Variants in ABCA13 observed in about 807,000 individuals in gnomAD.
ABCA13 encodes ATP-binding cassette sub-family A member 13.
In ABCA13, 476 loss-of-function variants were observed where a neutral mutation model predicts 478.7. The ratio of observed to expected loss-of-function variants is 0.99; its 90% CI spans 0.92 to 1.07. ABCA13 has a LOEUF of 1.07. Ranked by LOEUF, ABCA13 falls within the 50% of genes least tolerant of loss-of-function variation. The probability of loss-of-function intolerance (pLI) is 0.00; values close to 1 mark genes in which losing one functional copy is unlikely to be tolerated. For synonymous variants in ABCA13, 2,252 were observed against 2,158.9 expected, an observed-to-expected ratio of 1.04 and a Z score of -1.20; for missense variants, 6,060 against 5,910.6, an observed-to-expected ratio of 1.03 and a Z score of -0.83.
intron 59 of ABCA13, among the ~76,000 whole-genome samples, chr7:48,618,519 A>AAAG (rs1474962550): frequency 6.6e-6 from 1 of 152,214 alleles, no homozygotes; most frequent in Non-Finnish European, 1.5e-5. Context: ...CATGTATTAC[A>AAAG]GTTTCCAATA....
In ABCA13 at chr7:48,435,873, C is replaced by T. The variant is rs1178537171; in HGVS notation, c.12565+8002C>T. On this transcript the variant is annotated intron_variant, in intron 42 of 61. Transcript: ENST00000435803. ...CTTTCAGGAATAAATCCTCCCTTGT[C>T]ATGATGTGTAATCATTTTAATATAC... Among the ~76,000 whole-genome samples, 3 of 149,446 alleles carry T rather than the reference C, an allele frequency of 2.0e-5. No individual in the cohort carries two copies. The East Asian group carries it at 5.8e-4, about 29-fold the overall frequency.
At chr7:48,417,737 G>A in intron 41 of ABCA13, among the ~76,000 whole-genome samples, 1 of 152,106 alleles carries the variant, frequency 6.6e-6, no homozygotes, top group East Asian at 1.9e-4. Flanking sequence ...CATTCCATGG[G>A]TTTGGATGAG....
intron 39 of ABCA13, 25 bp downstream of exon 39, chr7:48,403,904 T>C: frequency 6.2e-7 from 1 of 1,601,280 alleles, no homozygotes; most frequent in South Asian, 1.1e-5. Context: ...TCATTCTGCC[T>C]TCTCTTCCCA....
Position 48,179,967 on chromosome 7 carries a change from AGGGT to A in ABCA13, c.69+8420_69+8423del, listed in dbSNP as rs1412725354. ...CACAGCTACAGAAAATGAGCCAGGAAGGGTGGGTAACTCGCACAGGCCCATTTGA... is the reference window on the plus strand; with the variant it reads ...CACAGCTACAGAAAATGAGCCAGGAAGGGTAACTCGCACAGGCCCATTTGA... On this transcript the variant is annotated intron_variant, in intron 1 of 61. Transcript: ENST00000435803. Among the ~76,000 whole-genome samples the A allele has an allele frequency of 1.3e-5, 2 of 152,174 alleles. 1 individual carries two copies. The highest frequency in any genetic ancestry group is 4.8e-5 in the African/African-American group (2 of 41,446).
chr7:48,328,233 G>A (rs1050458533), intron 27 of ABCA13, among the ~76,000 whole-genome samples: 1 of 152,188 alleles, frequency 6.6e-6, no homozygotes, highest in Non-Finnish European at 1.5e-5. Flanking sequence ...CAATGGGGAA[G>A]GGCACTGGTG....
rs528749208 is a variant in ABCA13, at chr7:48,582,663, T to C, written c.14505+2289T>C. Among the ~76,000 whole-genome samples, 55 of 152,260 alleles carry C rather than the reference T, an allele frequency of 3.6e-4. 1 individual carries two copies. Among genetic ancestry groups the C allele is most frequent in the African/African-American group, 1.2e-3 (50 of 41,570 alleles). ...CCCCTCTCCTCCCTCCCGGGGACCC[T>C]CAGAGCCCATGCCATGGCTGAGCCA... is the stretch of plus-strand genomic sequence containing the variant. On this transcript the variant is annotated intron_variant, in intron 56 of 61. Coordinates refer to ENST00000435803, the MANE Select transcript of ABCA13 (RefSeq NM_152701.5).
At chr7:48,512,590 T>G (rs1328205491) in intron 51 of ABCA13, among the ~76,000 whole-genome samples, 1 of 152,196 alleles carries the variant, frequency 6.6e-6, no homozygotes, top group Non-Finnish European at 1.5e-5. Context: ...TCAAGTAAAA[T>G]AGACTTTGCT....
intron 41 of ABCA13, among the ~76,000 whole-genome samples, chr7:48,424,683 C>A (rs925094833): frequency 3.9e-5 from 6 of 152,132 alleles, no homozygotes; most frequent in African/African-American, 1.4e-4. Flanking sequence ...TTCATTAAAT[C>A]CCTGGGTAAT....
At chr7:48,515,713 A>G (rs1249363232) in intron 51 of ABCA13, among the ~76,000 whole-genome samples, 2 of 152,168 alleles carry the variant, frequency 1.3e-5, no homozygotes, top group East Asian at 3.9e-4. Context: ...ATTAGGGCAC[A>G]CTGAGGAGTT....
rs1028870327 is a variant in ABCA13, at chr7:48,278,148, C to T, written c.6954C>T (p.Thr2318=). Residue 2318 remains threonine (T), a synonymous_variant, in exon 18 of 62, where the codon ACC becomes ACT. Coordinates refer to ENST00000435803, the MANE Select transcript of ABCA13 (RefSeq NM_152701.5). ...LEILKLDQFL[T]LMIQDRLMNI... Reference sequence around the variant, plus strand: ...TTCTGAAACTGGATCAATTTCTTACCCTGATGATACAAGACAGATTGATGA... The same window carrying T: ...TTCTGAAACTGGATCAATTTCTTACTCTGATGATACAAGACAGATTGATGA... 6.8e-7 allele frequency: 1 copy of T among 1,478,068 alleles called. No homozygotes were observed. The highest frequency in any genetic ancestry group is 1.4e-5 in the South Asian group (1 of 69,050). The allele number at this position is 1,478,068 out of a possible 1,614,324, so 91.6% of individuals were successfully genotyped here. A position where few individuals can be genotyped will look rare whatever the true frequency, so the allele number is the denominator to read the frequency against.
rs181319795 is a variant in ABCA13, at chr7:48,226,834, C to T, written c.469-428C>T. Among the ~76,000 whole-genome samples, 29 of 152,146 alleles carry T rather than the reference C, an allele frequency of 1.9e-4. No individual in the cohort carries two copies. The South Asian group carries it at 2.5e-3, about 13-fold the overall frequency. ...TTGCCTTCTGATCAAGCCATCAGTG[C>T]TCAGTGAAATGTTGGGTTTTTTTGT... is the stretch of plus-strand genomic sequence containing the variant. On this transcript the variant is annotated intron_variant, in intron 5 of 61. Coordinates refer to ENST00000435803, the MANE Select transcript of ABCA13 (RefSeq NM_152701.5).
At chr7:48,620,233 A>G (rs1449116959) in intron 59 of ABCA13, among the ~76,000 whole-genome samples, 1 of 80,766 alleles carries the variant, frequency 1.2e-5, no homozygotes, top group East Asian at 3.1e-4. Flanking sequence ...TCTGGATTGT[A>G]TTTAGTAACA....
intron 33 of ABCA13, 82 bp downstream of exon 33, chr7:48,372,579 C>CA: frequency 2.6e-6 from 3 of 1,159,024 alleles, no homozygotes; most frequent in Non-Finnish European, 3.6e-6. Context: ...CCACCACTCT[C>CA]ACTTTTTCAA....
intron 38 of ABCA13, 125 bp downstream of exon 38, chr7:48,392,264 A>G (rs1357632688): frequency 1.2e-5 from 11 of 924,402 alleles, no homozygotes; most frequent in Non-Finnish European, 1.5e-5. Flanking sequence ...TAATTAGCAA[A>G]TGGTTGTTAA....
At chr7:48,236,314 G>A (rs1789945727) in intron 8 of ABCA13, among the ~76,000 whole-genome samples, 1 of 152,166 alleles carries the variant, frequency 6.6e-6, no homozygotes, top group Non-Finnish European at 1.5e-5. Context: ...CATCTTTACA[G>A]ATGAAAATTA....
At chr7:48,283,508 A>G (rs1372665995) in intron 19 of ABCA13, among the ~76,000 whole-genome samples, 7 of 152,056 alleles carry the variant, frequency 4.6e-5, no homozygotes, top group Admixed American at 2.0e-4. Flanking sequence ...GCTCATGGTT[A>G]TATCTTCCCA....
At position 48,272,524 on chromosome 7, in the gene ABCA13, TC is replaced by T; in HGVS notation, c.2860del (p.Gln954ArgfsTer23). On this transcript the variant is annotated frameshift_variant, in exon 17 of 62. Transcript: ENST00000435803. LOFTEE classifies it high-confidence loss of function. Reference sequence around the variant, plus strand: ...TTGACTCACATACACCTAAATGTCTTCCAGGACAAGGATTCAGCTTTACTTC... The same window carrying T: ...TTGACTCACATACACCTAAATGTCTTCAGGACAAGGATTCAGCTTTACTTC... ...KILTHIHLNVFQDKDSALLLQ... is the reference protein window; with the variant it reads ...KILTHIHLNVXQDKDSALLLQ... The T allele has an allele frequency of 6.2e-7, 1 of 1,613,800 alleles. No individual in the cohort carries two copies. The highest frequency in any genetic ancestry group is 8.5e-7 in the Non-Finnish European group (1 of 1,179,758).
At chr7:48,335,670 A>G (rs1806148243) in intron 28 of ABCA13, 135 bp downstream of exon 28, 1 of 535,864 alleles carries the variant, frequency 1.9e-6, no homozygotes, top group Admixed American at 3.9e-5. Flanking sequence ...TATAATTGAC[A>G]TAAAACTAGA....
Position 48,288,094 on chromosome 7 carries a change from T to C in ABCA13, c.8955+16T>C. The C allele has an allele frequency of 6.2e-7, 1 of 1,604,188 alleles. No individual in the cohort carries two copies. Among genetic ancestry groups the C allele is most frequent in the South Asian group, 1.1e-5 (1 of 90,808 alleles). Reference sequence around the variant, plus strand: ...CCACTTCCAGGTTTGTCGTCTTTAATATTTCAGAGAATTTCATGTTCATGA... The same window carrying C: ...CCACTTCCAGGTTTGTCGTCTTTAACATTTCAGAGAATTTCATGTTCATGA... On this transcript the variant is annotated intron_variant, in intron 20 of 61. Coordinates refer to ENST00000435803, the MANE Select transcript of ABCA13 (RefSeq NM_152701.5).
Sources: allele counts gnomAD v4.1 joint callset (sites outside exome capture counted in the v4.1 genomes callset), GRCh38; gene constraint gnomAD v4.1.1; transcripts MANE v1.5; gene names NCBI Gene and HGNC (gene_info 2026-07-23, HGNC 2026-07-21).